TDRD1: variants seen among roughly 807,000 people sequenced by gnomAD.
TDRD1 encodes the protein tudor domain containing 1, also known as tudor domain-containing protein 1.
A neutral mutation model predicts 140.6 loss-of-function variants in TDRD1; 37 were observed. That is an observed-to-expected ratio of 0.26 (90% CI 0.20 to 0.35). TDRD1 has a LOEUF of 0.35. Ranked by LOEUF, TDRD1 falls within the 10% of genes least tolerant of loss-of-function variation. The pLI, the probability that TDRD1 is intolerant of heterozygous loss-of-function variation, is 1.00. For synonymous variants in TDRD1, 506 were observed against 475.7 expected, an observed-to-expected ratio of 1.06 and a Z score of -0.83; for missense variants, 1,243 against 1,393.0, an observed-to-expected ratio of 0.89 and a Z score of 1.71.
At chr10:114,200,588 G>A (rs1232895816) in intron 4 of TDRD1, among the ~76,000 whole-genome samples, 1 of 152,088 alleles carries the variant, frequency 6.6e-6, no homozygotes, top group African/African-American at 2.4e-5. Context: ...TACTTTGCTT[G>A]ATCTTGGCTC....
At chr10:114,217,400 A>C (rs2035878176) in intron 16 of TDRD1, 145 bp from the exon 17 acceptor site, 2 of 477,076 alleles carry the variant, frequency 4.2e-6, no homozygotes, top group Non-Finnish European at 7.5e-6. Flanking sequence ...TTTTTTAATA[A>C]GGAAAAGCAT....
intron 3 of TDRD1, among the ~76,000 whole-genome samples, chr10:114,193,475 G>A (rs2034132225): frequency 1.3e-5 from 2 of 151,796 alleles, no homozygotes; most frequent in South Asian, 4.2e-4. Flanking sequence ...GTATTTTTTA[G>A]TAGAGACGTG....
At chr10:114,187,770 GTTC>G in intron 1 of TDRD1, 53 bp from the exon 2 acceptor site, 1 of 1,426,128 alleles carries the variant, frequency 7.0e-7, no homozygotes, top group South Asian at 1.4e-5. Context: ...TGAGCCTGCA[GTTC>G]TTCTGAAATT....
intron 3 of TDRD1, among the ~76,000 whole-genome samples, chr10:114,196,336 G>A (rs1432196552): frequency 2.0e-5 from 3 of 152,150 alleles, no homozygotes; most frequent in African/African-American, 4.8e-5. Flanking sequence ...TTAGGATAAA[G>A]CTACTGGTAA....
intron 11 of TDRD1, among the ~76,000 whole-genome samples, chr10:114,208,214 A>C (rs2035254956): frequency 6.6e-6 from 1 of 152,180 alleles, no homozygotes; most frequent in Non-Finnish European, 1.5e-5. Context: ...GCGGATCATT[A>C]AAGGTCGCAG....
chr10:114,214,589 G>C (rs894872368), intron 16 of TDRD1, among the ~76,000 whole-genome samples: 6 of 152,132 alleles, frequency 3.9e-5, no homozygotes, highest in Admixed American at 2.6e-4. Context: ...GTAACGTATA[G>C]ATACATGTGT....
chr10:114,178,008 TA>T (rs2032753688), upstream of TDRD1, among the ~76,000 whole-genome samples: 2 of 151,946 alleles, frequency 1.3e-5, no homozygotes, highest in South Asian at 2.1e-4. Flanking sequence ...AATTTTTTTT[TA>T]TTTTTTTATT....
intron 2 of TDRD1, among the ~76,000 whole-genome samples, chr10:114,190,235 T>C (rs61869887): frequency 2.5e-4 from 38 of 152,014 alleles, no homozygotes; most frequent in Non-Finnish European, 5.1e-4. Flanking sequence ...TTGAAAAATA[T>C]AGTTTTTAAA....
Position 114,188,159 on chromosome 10 carries a change from G to T in TDRD1, c.325+3G>T. 1 of 1,565,720 alleles carries T rather than the reference G, an allele frequency of 6.4e-7. No individual in the cohort carries two copies. The highest frequency in any genetic ancestry group is 8.6e-7 in the Non-Finnish European group (1 of 1,159,612). On this transcript the variant is annotated splice_donor_region_variant and intron_variant, in intron 2 of 25. Transcript: ENST00000251864. ...AGACAGGAAAAAATTGCCAGCAGGTGAGTGAAAACCACAGGCTTCCTACTT... is the reference window on the plus strand; with the variant it reads ...AGACAGGAAAAAATTGCCAGCAGGTTAGTGAAAACCACAGGCTTCCTACTT...
Position 114,218,594 on chromosome 10 carries a change from A to C in TDRD1, c.2494+10A>C. The C allele has an allele frequency of 6.4e-7, 1 of 1,559,872 alleles. No homozygotes were observed. Among genetic ancestry groups the C allele is most frequent in the Non-Finnish European group, 8.7e-7 (1 of 1,147,492 alleles). On this transcript the variant is annotated intron_variant, in intron 18 of 25. Transcript: ENST00000251864. ...CGGTGCCAGTTAGCAGGTATGGTAT[A>C]CAATAAGAAACTTTCTCAACTTTCT...
rs1007416633 is a variant in TDRD1, at chr10:114,192,752, T to C, written c.384+1733T>C. 3.3e-5 allele frequency among the ~76,000 whole-genome samples: 5 copies of C among 152,226 alleles called. No homozygotes were observed. In the East Asian group the frequency reaches 5.8e-4, roughly 18 times the overall value. On this transcript the variant is annotated intron_variant, in intron 3 of 25. Transcript: ENST00000251864. The stretch of plus-strand genomic sequence containing the variant: ...CTTTCACACATTTGCCAAAATTCAA[T>C]TGGACATATTTGTGTCAGTCTAGTC...
intron 18 of TDRD1, 35 bp downstream of exon 18, chr10:114,218,619 T>A (rs377528429): frequency 1.9e-4 from 283 of 1,465,682 alleles, no homozygotes; most frequent in Admixed American, 5.0e-4. Context: ...CTCAACTTTC[T>A]AATACTTGGG....
At position 114,231,515 on chromosome 10, in the gene TDRD1, T is replaced by TG; in HGVS notation, c.3569dup (p.Ter1190TrpfsTer129). On this transcript the variant is annotated frameshift_variant and stop_lost, in exon 26 of 26. Coordinates refer to ENST00000251864, the Ensembl canonical transcript of TDRD1. LOFTEE classifies it high-confidence loss of function. ...AGCATCTCTTGGAGGTAAACCCTTA[T>TG]GAGACAGGAAACAGCAAAGGCTAGC... The TG allele has an allele frequency of 6.3e-7, 1 of 1,598,228 alleles. No individual in the cohort carries two copies. Among genetic ancestry groups the TG allele is most frequent in the Non-Finnish European group, 8.5e-7 (1 of 1,174,716 alleles).
chr10:114,207,713 G>A (rs1372006265), intron 11 of TDRD1, among the ~76,000 whole-genome samples: 1 of 152,010 alleles, frequency 6.6e-6, no homozygotes, highest in Non-Finnish European at 1.5e-5. Context: ...AATGGGAAAG[G>A]TGGGAACAGA....
At chr10:114,187,290 G>T (rs1162148468) in intron 1 of TDRD1, among the ~76,000 whole-genome samples, 1 of 152,130 alleles carries the variant, frequency 6.6e-6, no homozygotes, top group African/African-American at 2.4e-5. Flanking sequence ...AGGGAAGAGG[G>T]GTCAGCTGAG....
chr10:114,209,515 A>C (rs1384824580), intron 11 of TDRD1, among the ~76,000 whole-genome samples: 1 of 152,200 alleles, frequency 6.6e-6, no homozygotes, highest in Non-Finnish European at 1.5e-5. Flanking sequence ...TTTCTTTTGG[A>C]AACATTTTAA....
At chr10:114,222,602 T>A (rs1372659273) in exon 21 of TDRD1, 1 of 1,607,682 alleles carries the variant, frequency 6.2e-7, no homozygotes, top group Admixed American at 1.7e-5. Flanking sequence ...CAGGAAAAGC[T>A]GTGCATGTTG....
rs761728195 is a variant in TDRD1 at position 114,202,305 on chromosome 10, T to C, written c.696+7T>C. On this transcript the variant is annotated splice_region_variant and intron_variant, in intron 6 of 25. Transcript: ENST00000251864. Reference sequence around the variant, plus strand: ...TGTGGAGGTAAACAATAAGGTATGGTATACTTTGTCTTTAAATTTTGAATA... The same window carrying C: ...TGTGGAGGTAAACAATAAGGTATGGCATACTTTGTCTTTAAATTTTGAATA... The C allele has an allele frequency of 6.4e-7, 1 of 1,573,368 alleles. No individual in the cohort carries two copies. Among genetic ancestry groups the C allele is most frequent in the South Asian group, 1.2e-5 (1 of 83,774 alleles).
At chr10:114,200,398 G>T (rs916220110) in intron 4 of TDRD1, among the ~76,000 whole-genome samples, 1 of 152,092 alleles carries the variant, frequency 6.6e-6, no homozygotes, top group East Asian at 1.9e-4. Context: ...TTGTTTTTTA[G>T]ATAACCTGTT....
Sources: gnomAD v4.1 joint callset for allele counts (sites outside exome capture counted in the v4.1 genomes callset) on GRCh38, gnomAD v4.1.1 for gene constraint, MANE v1.5 for transcripts, NCBI Gene and HGNC (gene_info 2026-07-23, HGNC 2026-07-21) for gene names.